Variants in CLIC5 observed in about 807,000 individuals in gnomAD.
CLIC5 encodes CLIC family member 5.
CLIC5 carries 20 observed loss-of-function variants against 24.7 expected under a neutral mutation model. The ratio of observed to expected loss-of-function variants is 0.81; its 90% CI spans 0.57 to 1.18. The LOEUF (loss-of-function observed/expected upper bound fraction) is 1.18. Ranked by LOEUF, CLIC5 falls within the 50% of genes most tolerant of loss-of-function variation. The pLI is 0.00. For synonymous variants in CLIC5, 159 were observed against 135.6 expected, an observed-to-expected ratio of 1.17 and a Z score of -1.20; for missense variants, 341 against 326.1, an observed-to-expected ratio of 1.05 and a Z score of -0.35.
intron 4 of CLIC5, among the ~76,000 whole-genome samples, chr6:45,926,038 C>T (rs1763470411): frequency 6.6e-6 from 1 of 151,974 alleles, no homozygotes; most frequent in Admixed American, 6.6e-5. Flanking sequence ...GGATAACTAT[C>T]ATTGCAAACA....
Position 45,884,097 on chromosome 6 carries a change from G to A in CLIC5, c.624-2909C>T, listed in dbSNP as rs77743971. On this transcript the variant is annotated intron_variant, in intron 6 of 6. Coordinates refer to the CLIC5 transcript ENST00000644324. ...GAGAGGGTCTGGGACTGGTTCAGAA[G>A]CTCAGTGATGCCTCCAGGGGCCTGG... is the stretch of plus-strand genomic sequence containing the variant. Among the ~76,000 whole-genome samples the A allele has an allele frequency of 2.1e-3, 313 of 152,304 alleles. 12 individuals are homozygous for A. The East Asian group carries it at 0.056, about 27-fold the overall frequency.
intron 6 of CLIC5, among the ~76,000 whole-genome samples, chr6:45,882,166 A>C (rs1332488218): frequency 6.6e-6 from 1 of 152,198 alleles, no homozygotes; most frequent in Non-Finnish European, 1.5e-5. Context: ...GAGACTCCCA[A>C]TTACCAAAAA....
At chr6:45,933,270 C>T (rs112337313) in intron 4 of CLIC5, among the ~76,000 whole-genome samples, 3,630 of 152,266 alleles carry the variant, frequency 0.024, 158 homozygotes, top group African/African-American at 0.082. Flanking sequence ...TACACTCCCT[C>T]GCCCTCTGGT....
intron 1 of CLIC5, among the ~76,000 whole-genome samples, chr6:46,049,790 A>T (rs1768053776): frequency 6.6e-6 from 1 of 152,238 alleles, no homozygotes; most frequent in Non-Finnish European, 1.5e-5. Context: ...TCAGGCAGAA[A>T]GCTCGAGACA....
At chr6:46,006,099 T>TAC (rs1561998944) in intron 1 of CLIC5, among the ~76,000 whole-genome samples, 8 of 46,940 alleles carry the variant, frequency 1.7e-4, no homozygotes, top group African/African-American at 6.7e-4. Context: ...AATACATATA[T>TAC]ATATATATAT....
chr6:46,039,642 T>C (rs1276322071), intron 1 of CLIC5, among the ~76,000 whole-genome samples: 1 of 152,096 alleles, frequency 6.6e-6, no homozygotes, highest in African/African-American at 2.4e-5. Context: ...AACAGATATG[T>C]TGGAATAAAA....
At chr6:45,923,737 A>T (rs1291491036) in intron 4 of CLIC5, among the ~76,000 whole-genome samples, 1 of 152,196 alleles carries the variant, frequency 6.6e-6, no homozygotes, top group African/African-American at 2.4e-5. Flanking sequence ...AACTGATTTG[A>T]TCACCATTTC....
At chr6:45,923,466 C>A (rs1425417509) in intron 4 of CLIC5, among the ~76,000 whole-genome samples, 2 of 152,242 alleles carry the variant, frequency 1.3e-5, no homozygotes, top group African/African-American at 4.8e-5. Flanking sequence ...AACTTAAAAA[C>A]TGCCTCTGTG....
At chr6:45,985,382 C>T (rs1334037612) in intron 1 of CLIC5, among the ~76,000 whole-genome samples, 2 of 152,174 alleles carry the variant, frequency 1.3e-5, no homozygotes, top group African/African-American at 4.8e-5. Flanking sequence ...TACAGCAGAG[C>T]AGGAAGTATG....
intron 4 of CLIC5, among the ~76,000 whole-genome samples, chr6:45,922,124 G>A (rs1303175216): frequency 6.6e-6 from 1 of 152,218 alleles, no homozygotes; most frequent in Non-Finnish European, 1.5e-5. Context: ...GCAGCACGTG[G>A]TGCCATGGGT....
downstream of CLIC5, among the ~76,000 whole-genome samples, chr6:45,894,371 T>C (rs1409902640): frequency 6.6e-6 from 1 of 152,142 alleles, no homozygotes; most frequent in Non-Finnish European, 1.5e-5. Context: ...ATAGACATAA[T>C]GAAGAAGCTA....
upstream of CLIC5, among the ~76,000 whole-genome samples, chr6:46,084,198 C>G (rs1056603638): frequency 7.2e-5 from 11 of 152,118 alleles, no homozygotes; most frequent in African/African-American, 2.2e-4. Context: ...TTCCTGAATA[C>G]AGCACCCTGA....
intron 1 of CLIC5, among the ~76,000 whole-genome samples, chr6:46,055,299 C>T (rs1713286178): frequency 1.3e-5 from 2 of 152,198 alleles, no homozygotes; most frequent in South Asian, 2.1e-4. Context: ...GACGGTGTTT[C>T]ACCACGTTGG....
At chr6:46,084,683 C>A (rs1762994279), upstream of CLIC5, among the ~76,000 whole-genome samples, 1 of 152,184 alleles carries the variant, frequency 6.6e-6, no homozygotes, top group Admixed American at 6.5e-5. Flanking sequence ...GTAACCCGAC[C>A]TTTCTCTCTA....
chr6:46,048,117 C>T (rs1768006546), intron 1 of CLIC5, among the ~76,000 whole-genome samples: 1 of 151,870 alleles, frequency 6.6e-6, no homozygotes, highest in South Asian at 2.1e-4. Context: ...ATTCTCATGC[C>T]TCAGCCTCCT....
intron 6 of CLIC5, among the ~76,000 whole-genome samples, chr6:45,885,754 G>A (rs546093705): frequency 6.6e-6 from 1 of 152,138 alleles, no homozygotes; most frequent in Non-Finnish European, 1.5e-5. Flanking sequence ...AAATGCTAAG[G>A]GAACACTGGG....
intron 1 of CLIC5, among the ~76,000 whole-genome samples, chr6:46,060,609 T>C (rs770615498): frequency 5.9e-5 from 9 of 152,192 alleles, no homozygotes; most frequent in Non-Finnish European, 1.0e-4. Context: ...TGAGAGTGTA[T>C]GCTTTGATCC....
At chr6:46,009,439 T>C (rs1766721280) in intron 1 of CLIC5, among the ~76,000 whole-genome samples, 1 of 151,792 alleles carries the variant, frequency 6.6e-6, no homozygotes, top group African/African-American at 2.4e-5. Context: ...ACACAAGCAG[T>C]GTTAGATTTA....
chr6:45,980,856 A>T (rs1394532268), intron 1 of CLIC5, among the ~76,000 whole-genome samples: 1 of 152,206 alleles, frequency 6.6e-6, no homozygotes, highest in African/African-American at 2.4e-5. Context: ...CAAAAAGAGA[A>T]TTCTATAACT....
Sources: allele counts gnomAD v4.1 joint callset (sites outside exome capture counted in the v4.1 genomes callset), GRCh38; gene constraint gnomAD v4.1.1; transcripts MANE v1.5; gene names NCBI Gene and HGNC (gene_info 2026-07-23, HGNC 2026-07-21).